CFAP141: variants seen among roughly 807,000 people sequenced by gnomAD.
CFAP141 encodes the protein cilia and flagella associated protein 141, also known as cilia- and flagella-associated protein 141.
chr1:154,202,318 A>G, the CFAP141 span, among the ~76,000 whole-genome samples: 1 of 151,214 alleles, frequency 6.6e-6, no homozygotes, highest in Non-Finnish European at 1.5e-5. Context: ...TCAAGTGATC[A>G]GCCTGCCTCA....
At chr1:154,200,718 TG>T in the CFAP141 span, 2 of 1,079,100 alleles carry the variant, frequency 1.9e-6, no homozygotes, top group African/African-American at 1.6e-5. Context: ...GTTTCACTCT[TG>T]TTGCCCAGGC....
the CFAP141 span, chr1:154,199,589 T>G: frequency 1.1e-5 from 12 of 1,058,470 alleles, no homozygotes; most frequent in African/African-American, 1.6e-5. Flanking sequence ...TTTCTTATTC[T>G]TTCTTCCTAG....
the CFAP141 span, among the ~76,000 whole-genome samples, chr1:154,202,977 C>T: frequency 2.0e-5 from 3 of 148,948 alleles, no homozygotes; most frequent in East Asian, 2.0e-4. Context: ...AAAAATTAGC[C>T]GAGCGTGGTG....
chr1:154,205,677 C>G, the CFAP141 span: 1 of 1,590,292 alleles, frequency 6.3e-7, no homozygotes, highest in Non-Finnish European at 8.6e-7. Context: ...GCCTCAGTCT[C>G]CAGAACCTCT....
At chr1:154,202,045 T>C in the CFAP141 span, among the ~76,000 whole-genome samples, 8 of 152,058 alleles carry the variant, frequency 5.3e-5, no homozygotes, top group Admixed American at 2.6e-4. Flanking sequence ...CAAGCAATTC[T>C]CCTGCCTCAG....
the CFAP141 span, chr1:154,200,634 A>G: frequency 6.2e-7 from 1 of 1,602,602 alleles, no homozygotes; most frequent in South Asian, 1.1e-5. Flanking sequence ...GGTTAGAGTT[A>G]GGAGTAGAGA....
chr1:154,205,724 G>C, the CFAP141 span: 1 of 1,264,882 alleles, frequency 7.9e-7, no homozygotes, highest in African/African-American at 1.5e-5. Context: ...TTTTTTTTGA[G>C]ACAGAGTTTT....
At chr1:154,203,928 T>C in the CFAP141 span, among the ~76,000 whole-genome samples, 3 of 152,012 alleles carry the variant, frequency 2.0e-5, no homozygotes, top group Non-Finnish European at 2.9e-5. Context: ...CCGACTCTAC[T>C]GAAAATACAA....
At chr1:154,204,871 G>GTTTTT in the CFAP141 span, among the ~76,000 whole-genome samples, 2 of 133,884 alleles carry the variant, frequency 1.5e-5, no homozygotes, top group African/African-American at 5.5e-5. Flanking sequence ...TTGCATCAGT[G>GTTTTT]TTTTTTTTTT....
the CFAP141 span, chr1:154,200,440 T>G: frequency 3.7e-6 from 6 of 1,613,394 alleles, no homozygotes; most frequent in Non-Finnish European, 4.2e-6. Flanking sequence ...AGACTTCAGG[T>G]TGCCCTGCTA....
chr1:154,206,287 T>C, the CFAP141 span: 8 of 1,614,174 alleles, frequency 5.0e-6, no homozygotes, highest in East Asian at 1.8e-4. Context: ...CTTCTACTTT[T>C]GTCATCTTTT....
chr1:154,201,517 C>T, the CFAP141 span, among the ~76,000 whole-genome samples: 3 of 150,118 alleles, frequency 2.0e-5, no homozygotes, highest in Admixed American at 6.6e-5. Flanking sequence ...CCTCCTGAGT[C>T]GCTGGGACTA....
At chr1:154,199,203 C>A in the CFAP141 span, among the ~76,000 whole-genome samples, 1 of 152,006 alleles carries the variant, frequency 6.6e-6, no homozygotes, top group Non-Finnish European at 1.5e-5. Flanking sequence ...ACTATGACCA[C>A]AAGGCGTCAC....
At chr1:154,202,452 T>TA in the CFAP141 span, among the ~76,000 whole-genome samples, 4 of 152,102 alleles carry the variant, frequency 2.6e-5, no homozygotes, top group Non-Finnish European at 5.9e-5. Flanking sequence ...TTGGCATTTT[T>TA]AAAAAATCAA....
At chr1:154,204,664 T>C in the CFAP141 span, among the ~76,000 whole-genome samples, 1 of 152,046 alleles carries the variant, frequency 6.6e-6, no homozygotes, top group South Asian at 2.1e-4. Flanking sequence ...TGAGCTCAAC[T>C]GATCCTCCTG....
At chr1:154,202,804 G>GA in the CFAP141 span, among the ~76,000 whole-genome samples, 12 of 134,794 alleles carry the variant, frequency 8.9e-5, no homozygotes, top group Admixed American at 1.5e-4. Context: ...CCGTCCCAAG[G>GA]AAAAAAAAAA....
At chr1:154,200,493 T>C in the CFAP141 span, 1 of 1,614,250 alleles carries the variant, frequency 6.2e-7, no homozygotes. Context: ...TGCCAATTCC[T>C]GTACCATGGT....
At chr1:154,204,467 A>T in the CFAP141 span, among the ~76,000 whole-genome samples, 7 of 152,128 alleles carry the variant, frequency 4.6e-5, no homozygotes, top group African/African-American at 1.7e-4. Context: ...TTTGGTAGAG[A>T]TGGGGGTCTT....
At chr1:154,205,084 A>T in the CFAP141 span, among the ~76,000 whole-genome samples, 1 of 151,512 alleles carries the variant, frequency 6.6e-6, no homozygotes, top group Non-Finnish European at 1.5e-5. Flanking sequence ...GGGTTTCACC[A>T]TGTTGCCTAG....
Sources: allele counts gnomAD v4.1 joint callset (sites outside exome capture counted in the v4.1 genomes callset), GRCh38; gene constraint gnomAD v4.1.1; transcripts MANE v1.5; gene names NCBI Gene and HGNC (gene_info 2026-07-23, HGNC 2026-07-21).